Variants in SYNE2 observed in about 807,000 individuals in gnomAD.
The protein encoded by SYNE2 is nesprin-2.
A neutral mutation model predicts 856.3 loss-of-function variants in SYNE2; 431 were observed. The ratio of observed to expected loss-of-function variants is 0.50; its 90% CI spans 0.47 to 0.55. The LOEUF (loss-of-function observed/expected upper bound fraction) is 0.55. Among genes scored for constraint, SYNE2 ranks in the 20% least tolerant of loss-of-function variants. The pLI is 0.00. For missense variants in SYNE2, 8,129 were observed against 8,023.2 expected (o/e 1.01, Z -0.50); for synonymous variants, 2,923 against 2,872.3 (o/e 1.02, Z -0.56).
chr14:64,200,192 T>C lies in SYNE2; in HGVS notation c.18039-2609T>C, dbSNP rs115846681. Among the ~76,000 whole-genome samples the C allele has an allele frequency of 7.9e-3, 1,196 of 152,350 alleles. 17 individuals carry two copies. Among genetic ancestry groups the C allele is most frequent in the African/African-American group, 0.027 (1,125 of 41,588 alleles). On this transcript the variant is annotated intron_variant, in intron 99 of 115. Coordinates refer to ENST00000555002, the MANE Select transcript of SYNE2 (RefSeq NM_182914.3). ...TATATATAAATAAATACTTGGATTC[T>C]AGCCCTCTTCTTTTCAAAATAAGAA...
chr14:64,073,757 T>C (rs987377589), intron 52 of SYNE2, among the ~76,000 whole-genome samples: 1 of 152,210 alleles, frequency 6.6e-6, no homozygotes, highest in Non-Finnish European at 1.5e-5. Flanking sequence ...GGCGAAAGAT[T>C]TGGAGAGGTT....
Position 63,960,617 on chromosome 14 carries a change from T to C in SYNE2, c.788-908T>C, listed in dbSNP as rs1458715659. ...AAATAAACAGTGAAGTGTTTTTTTTTTTCCAATAATCTTCATTGCTTGTTT... is the reference window on the plus strand; with the variant it reads ...AAATAAACAGTGAAGTGTTTTTTTTCTTCCAATAATCTTCATTGCTTGTTT... On this transcript the variant is annotated intron_variant, in intron 8 of 115. Coordinates refer to ENST00000555002, the MANE Select transcript of SYNE2 (RefSeq NM_182914.3). 5.1e-6 allele frequency: 3 copies of C among 590,914 alleles called. No individual in the cohort carries two copies. In the South Asian group the frequency reaches 6.0e-5, roughly 12 times the overall value. The allele number at this position is 590,914 out of a possible 1,614,324, so 36.6% of individuals were successfully genotyped here.
chr14:63,951,546 GC>G (rs926496788), intron 7 of SYNE2, among the ~76,000 whole-genome samples: 1 of 152,104 alleles, frequency 6.6e-6, no homozygotes, highest in Admixed American at 6.5e-5. Context: ...CAGGTGATCT[GC>G]CCACCTCGGC....
chr14:63,974,948 C>A (rs2096530250), intron 11 of SYNE2, among the ~76,000 whole-genome samples: 1 of 127,068 alleles, frequency 7.9e-6, no homozygotes. Flanking sequence ...ACTCTGTCGC[C>A]CAGGCTGGAG....
At chr14:64,144,561 T>C (rs1028685904) in intron 83 of SYNE2, among the ~76,000 whole-genome samples, 3 of 152,130 alleles carry the variant, frequency 2.0e-5, no homozygotes, top group Non-Finnish European at 2.9e-5. Context: ...TGGAAAGATA[T>C]CATTAGCAGA....
At position 63,976,525 on chromosome 14, in the gene SYNE2, A is replaced by G. The variant is rs367552577; in HGVS notation, c.1129-38A>G. ...TGAAGAAATAAACTAGAAAAGTTCTACTGAAGAATATGTTCTTTTTTTTTT... is the reference window on the plus strand; with the variant it reads ...TGAAGAAATAAACTAGAAAAGTTCTGCTGAAGAATATGTTCTTTTTTTTTT... On this transcript the variant is annotated intron_variant, in intron 11 of 115. Transcript: ENST00000555002. 7.6e-6 allele frequency: 12 copies of G among 1,587,368 alleles called. No individual in the cohort carries two copies. The African/African-American group carries it at 1.4e-4, about 18-fold the overall frequency.
chr14:64,205,614 G>T (rs1209096584), intron 100 of SYNE2, among the ~76,000 whole-genome samples: 1 of 152,172 alleles, frequency 6.6e-6, no homozygotes, highest in Non-Finnish European at 1.5e-5. Flanking sequence ...TAATATACCT[G>T]GTTGGGGAGG....
intron 16 of SYNE2, among the ~76,000 whole-genome samples, chr14:63,981,648 G>A (rs2096586431): frequency 6.6e-6 from 1 of 152,118 alleles, no homozygotes; most frequent in African/African-American, 2.4e-5. Flanking sequence ...GTGTAGAGGT[G>A]TGGAAGAACT....
chr14:63,949,037 T>A (rs2096104637), intron 6 of SYNE2, among the ~76,000 whole-genome samples: 1 of 151,850 alleles, frequency 6.6e-6, no homozygotes, highest in Non-Finnish European at 1.5e-5. Flanking sequence ...GCTAATCAGA[T>A]CAAGTTTGTT....
intron 6 of SYNE2, among the ~76,000 whole-genome samples, chr14:63,947,836 T>TA (rs890197877): frequency 1.1e-4 from 17 of 148,702 alleles, no homozygotes; most frequent in Middle Eastern, 3.4e-3. Flanking sequence ...AAACTCTGTC[T>TA]AAAAAAAAAA....
intron 1 of SYNE2, among the ~76,000 whole-genome samples, chr14:63,882,973 T>C (rs969547699): frequency 1.3e-5 from 2 of 148,540 alleles, no homozygotes; most frequent in Admixed American, 6.9e-5. Flanking sequence ...AAATGCTTAG[T>C]GCATAGTAAG....
chr14:63,847,199 C>G (rs1039342693), intron 1 of SYNE2, among the ~76,000 whole-genome samples: 1 of 151,370 alleles, frequency 6.6e-6, no homozygotes, highest in Non-Finnish European at 1.5e-5. Flanking sequence ...AGTACCAGTA[C>G]TTTGAGAGGC....
At chr14:63,773,720 C>A (rs978529853) in intron 1 of SYNE2, among the ~76,000 whole-genome samples, 2 of 151,986 alleles carry the variant, frequency 1.3e-5, no homozygotes, top group African/African-American at 4.8e-5. Flanking sequence ...CACCAACATG[C>A]CCAGCAAAAA....
chr14:64,165,549 G>A, intron 90 of SYNE2, 139 bp downstream of exon 90: 1 of 954,974 alleles, frequency 1.0e-6, no homozygotes, highest in Non-Finnish European at 1.6e-6. Flanking sequence ...CTCTCGCTCT[G>A]TCACCCAGGC....
At position 64,146,228 on chromosome 14, in the gene SYNE2, G is replaced by A; in HGVS notation, c.15639+5G>A. The A allele has an allele frequency of 6.2e-7, 1 of 1,604,028 alleles. No homozygotes were observed. The highest frequency in any genetic ancestry group is 2.3e-5 in the East Asian group (1 of 44,374). The stretch of plus-strand genomic sequence containing the variant: ...AAGCTGCTCCTGGACTGTCAGGTGA[G>A]GAGGGGAACAGCATCCCACCCAACC... On this transcript the variant is annotated splice_donor_5th_base_variant and intron_variant, in intron 84 of 115. Coordinates refer to ENST00000555002, the MANE Select transcript of SYNE2 (RefSeq NM_182914.3).
chr14:64,034,599 T>C (rs1179614189), intron 45 of SYNE2: 3 of 541,772 alleles, frequency 5.5e-6, no homozygotes, highest in Non-Finnish European at 1.0e-5. Context: ...GCAGGTGATT[T>C]TGTAGATCTG....
intron 2 of SYNE2, among the ~76,000 whole-genome samples, chr14:63,923,938 A>G (rs1213493002): frequency 2.0e-5 from 3 of 151,340 alleles, no homozygotes; most frequent in Middle Eastern, 3.4e-3. Flanking sequence ...AGCCGGGACT[A>G]CAGGTGTGTG....
intron 49 of SYNE2, among the ~76,000 whole-genome samples, chr14:64,058,073 T>C (rs2153582760): frequency 6.6e-6 from 1 of 152,354 alleles, no homozygotes. Flanking sequence ...GGGTTGTCTC[T>C]TCACTTTGTT....
intron 1 of SYNE2, among the ~76,000 whole-genome samples, chr14:63,787,332 T>A (rs1887572408): frequency 6.6e-6 from 1 of 152,144 alleles, no homozygotes; most frequent in African/African-American, 2.4e-5. Flanking sequence ...ACTCATCTTC[T>A]TCCCCACCTC....
Sources: gnomAD v4.1 joint callset for allele counts (sites outside exome capture counted in the v4.1 genomes callset) on GRCh38, gnomAD v4.1.1 for gene constraint, MANE v1.5 for transcripts, NCBI Gene and HGNC (gene_info 2026-07-23, HGNC 2026-07-21) for gene names.